The following TBC1D5 variants were observed in gnomAD, a reference collection of about 807,000 sequenced individuals.
TBC1D5 encodes the protein TBC1 domain family member 5.
A neutral mutation model predicts 100.3 loss-of-function variants in TBC1D5; 75 were observed. The ratio of observed to expected loss-of-function variants is 0.75; its 90% CI spans 0.62 to 0.91. TBC1D5 has a LOEUF of 0.91. Among genes scored for constraint, TBC1D5 ranks in the 40% least tolerant of loss-of-function variants. The probability of loss-of-function intolerance (pLI) is 0.00; values close to 1 mark genes in which losing one functional copy is unlikely to be tolerated. For synonymous variants in TBC1D5, 323 were observed against 325.6 expected (o/e 0.99, Z 0.09); for missense variants, 910 against 942.4 (o/e 0.97, Z 0.45).
At chr3:17,375,510 T>C (rs1306635193) in intron 10 of TBC1D5, among the ~76,000 whole-genome samples, 1 of 151,476 alleles carries the variant, frequency 6.6e-6, no homozygotes, top group African/African-American at 2.4e-5. Context: ...GAGGTTGCAG[T>C]GAGCCGAGAT....
intron 13 of TBC1D5, among the ~76,000 whole-genome samples, chr3:17,319,196 C>T (rs552779321): frequency 3.9e-5 from 6 of 152,130 alleles, no homozygotes; most frequent in African/African-American, 1.4e-4. Flanking sequence ...AGCAGCAGAA[C>T]CATCACATAA....
At chr3:17,394,653 A>G (rs2093448099) in intron 8 of TBC1D5, among the ~76,000 whole-genome samples, 3 of 152,182 alleles carry the variant, frequency 2.0e-5, no homozygotes, top group African/African-American at 7.2e-5. Flanking sequence ...ATTAAAGAAC[A>G]GAAGAGGCAG....
chr3:17,162,645 C>CGGT (rs2066182424), intron 21 of TBC1D5, among the ~76,000 whole-genome samples: 1 of 149,382 alleles, frequency 6.7e-6, no homozygotes. Context: ...ACATAGCACA[C>CGGT]GGTAGTCTGA....
chr3:17,522,404 C>A (rs1200319310), intron 2 of TBC1D5, among the ~76,000 whole-genome samples: 1 of 151,810 alleles, frequency 6.6e-6, no homozygotes, highest in Admixed American at 6.6e-5. Context: ...GAGGGAAAGA[C>A]TAAAGCACTG....
intron 1 of TBC1D5, among the ~76,000 whole-genome samples, chr3:17,648,510 G>A (rs966280815): frequency 6.6e-6 from 1 of 152,136 alleles, no homozygotes; most frequent in Non-Finnish European, 1.5e-5. Flanking sequence ...CTTCTGCACA[G>A]CAAAAGAAAC....
chr3:17,357,975 T>C (rs1357279291), intron 13 of TBC1D5, among the ~76,000 whole-genome samples: 1 of 152,192 alleles, frequency 6.6e-6, no homozygotes, highest in Non-Finnish European at 1.5e-5. Flanking sequence ...TTGTAATATA[T>C]ACCAAGCAAC....
intron 15 of TBC1D5, among the ~76,000 whole-genome samples, chr3:17,282,688 A>C (rs549362110): frequency 6.6e-6 from 1 of 152,334 alleles, no homozygotes; most frequent in East Asian, 1.9e-4. Flanking sequence ...GACTTTAAAG[A>C]TCTAAATAGA....
intron 1 of TBC1D5, among the ~76,000 whole-genome samples, chr3:17,668,416 T>C (rs1225646923): frequency 6.6e-6 from 1 of 152,000 alleles, no homozygotes; most frequent in Non-Finnish European, 1.5e-5. Context: ...ATTACTAGTA[T>C]CCCATAACCT....
At chr3:17,392,731 A>G (rs1003606732) in intron 8 of TBC1D5, among the ~76,000 whole-genome samples, 12 of 152,088 alleles carry the variant, frequency 7.9e-5, no homozygotes, top group Non-Finnish European at 1.6e-4. Flanking sequence ...TCCATGGTGT[A>G]TATGTGCCAC....
intron 2 of TBC1D5, among the ~76,000 whole-genome samples, chr3:17,593,535 G>C (rs1340362267): frequency 6.6e-6 from 1 of 152,190 alleles, no homozygotes; most frequent in African/African-American, 2.4e-5. Flanking sequence ...GGAAAGGGCA[G>C]AGGTTTGTCC....
intron 1 of TBC1D5, among the ~76,000 whole-genome samples, chr3:17,660,257 C>G (rs989046481): frequency 6.6e-6 from 1 of 152,156 alleles, no homozygotes; most frequent in African/African-American, 2.4e-5. Context: ...AAACTAAAAT[C>G]TTGATCAAGG....
intron 1 of TBC1D5, among the ~76,000 whole-genome samples, chr3:17,682,191 A>G (rs2069585331): frequency 6.6e-6 from 1 of 151,424 alleles, no homozygotes; most frequent in African/African-American, 2.5e-5. Context: ...TCACTGCTGT[A>G]ATCCCAGCAT....
intron 2 of TBC1D5, among the ~76,000 whole-genome samples, chr3:17,537,296 G>C (rs1022653207): frequency 6.6e-6 from 1 of 152,156 alleles, no homozygotes; most frequent in African/African-American, 2.4e-5. Context: ...CCACTGCTTA[G>C]CATGGCCTCA....
intron 19 of TBC1D5, among the ~76,000 whole-genome samples, chr3:17,178,175 C>T (rs1253753494): frequency 4.0e-5 from 6 of 151,332 alleles, no homozygotes; most frequent in African/African-American, 1.5e-4. Context: ...ACGCCATTCT[C>T]CTGCCTCAGC....
chr3:17,513,075 T>C (rs2095933600), intron 2 of TBC1D5, among the ~76,000 whole-genome samples: 1 of 152,154 alleles, frequency 6.6e-6, no homozygotes, highest in African/African-American at 2.4e-5. Context: ...GGCTTATGTC[T>C]ATAATCCCAG....
intron 3 of TBC1D5, among the ~76,000 whole-genome samples, chr3:17,492,065 T>G (rs1383190038): frequency 6.6e-6 from 1 of 152,178 alleles, no homozygotes; most frequent in African/African-American, 2.4e-5. Context: ...TCTTCTAAAT[T>G]TTCTGGTTTA....
intron 13 of TBC1D5, among the ~76,000 whole-genome samples, chr3:17,369,805 T>C (rs1559737234): frequency 2.0e-5 from 3 of 152,134 alleles, no homozygotes; most frequent in Non-Finnish European, 4.4e-5. Context: ...CAAATTAATA[T>C]GTGAAATAGG....
chr3:17,198,974 C>A (rs1211350240), intron 18 of TBC1D5, among the ~76,000 whole-genome samples: 1 of 152,124 alleles, frequency 6.6e-6, no homozygotes, highest in African/African-American at 2.4e-5. Context: ...TTCCTTGTTA[C>A]CGGAATCAGT....
chr3:17,446,030 G>C (rs2149621184), intron 3 of TBC1D5, among the ~76,000 whole-genome samples: 1 of 152,170 alleles, frequency 6.6e-6, no homozygotes, highest in South Asian at 2.1e-4. Context: ...ATTGTATTTT[G>C]GGTCTTAGTC....
Sources: gnomAD v4.1 joint callset for allele counts (sites outside exome capture counted in the v4.1 genomes callset) on GRCh38, gnomAD v4.1.1 for gene constraint, MANE v1.5 for transcripts, NCBI Gene and HGNC (gene_info 2026-07-23, HGNC 2026-07-21) for gene names.